BANF2: variants seen among roughly 807,000 people sequenced by gnomAD.
BANF2 encodes barrier-to-autointegration factor-like protein.
Under a neutral mutation model 8.0 loss-of-function variants are expected in BANF2, and 4 were observed. That is an observed-to-expected ratio of 0.50 (90% CI 0.25 to 1.14). The LOEUF (loss-of-function observed/expected upper bound fraction) is 1.14. Ranked by LOEUF, BANF2 falls within the 50% of genes most tolerant of loss-of-function variation. The pLI is 0.16. For missense variants in BANF2, 96 were observed against 107.5 expected (o/e 0.89, Z 0.47); for synonymous variants, 50 against 40.6 (o/e 1.23, Z -0.88).
chr20:17,714,931 A>G (rs1306867724), intron 1 of BANF2, among the ~76,000 whole-genome samples: 2 of 152,184 alleles, frequency 1.3e-5, no homozygotes, highest in African/African-American at 4.8e-5. Context: ...TGGATATGAA[A>G]ATGGTAGCTT....
intron 3 of BANF2, among the ~76,000 whole-genome samples, 155 bp from the exon 4 acceptor site, chr20:17,735,510 G>A (rs2037964229): frequency 6.6e-6 from 1 of 152,218 alleles, no homozygotes; most frequent in South Asian, 2.1e-4. Flanking sequence ...TAAGACCCAT[G>A]TCAGGGCTTC....
In BANF2 at chr20:17,703,740, CT is replaced by C. The variant is rs373982840; in HGVS notation, c.-167+3706del. Among the ~76,000 whole-genome samples, 1,139 of 122,568 alleles carry C rather than the reference CT, an allele frequency of 9.3e-3. 12 individuals are homozygous for C. Among genetic ancestry groups the C allele is most frequent in the East Asian group, 0.045 (201 of 4,478 alleles). 80.4% of individuals were successfully genotyped at this position (122,568 alleles called of 152,430 possible). ...GGAGGTCTCAGGGCAAGTAGGCTGACTTTTTTTTTTTTTTTTTTTTTGACAG... is the reference window on the plus strand; with the variant it reads ...GGAGGTCTCAGGGCAAGTAGGCTGACTTTTTTTTTTTTTTTTTTTTGACAG... On this transcript the variant is annotated intron_variant, in intron 1 of 3. Coordinates refer to ENST00000246090, the MANE Select transcript of BANF2 (RefSeq NM_178477.5).
upstream of BANF2, among the ~76,000 whole-genome samples, chr20:17,699,590 G>A (rs1264629313): frequency 6.6e-6 from 1 of 152,198 alleles, no homozygotes. Context: ...TGTGCAAGGA[G>A]CTGGGGGTAC....
chr20:17,721,578 G>A (rs1266198604), intron 1 of BANF2, among the ~76,000 whole-genome samples: 5 of 152,024 alleles, frequency 3.3e-5, no homozygotes, highest in Admixed American at 6.5e-5. Context: ...TTTTAGTAGA[G>A]ACGGGGTTTC....
Position 17,735,839 on chromosome 20 carries a change from A to G in BANF2, c.*28A>G. ...ACAAACCTCATTGCTGCCCCCCACC[A>G]CCCTCTGGGGAAAATGACGCCTTCT... On this transcript the variant is annotated 3_prime_UTR_variant, in exon 4 of 4. Coordinates refer to ENST00000246090, the MANE Select transcript of BANF2 (RefSeq NM_178477.5). The G allele has an allele frequency of 6.3e-7, 1 of 1,593,858 alleles. No homozygotes were observed. Among genetic ancestry groups the G allele is most frequent in the Non-Finnish European group, 8.6e-7 (1 of 1,166,602 alleles).
intron 3 of BANF2, among the ~76,000 whole-genome samples, chr20:17,727,407 C>T (rs997545510): frequency 1.3e-5 from 2 of 152,204 alleles, no homozygotes; most frequent in African/African-American, 2.4e-5. Context: ...GTGCCTTGTC[C>T]GCTCCCAGGT....
chr20:17,699,888 G>A (rs2037383213), upstream of BANF2: 2 of 739,366 alleles, frequency 2.7e-6, no homozygotes, highest in South Asian at 6.1e-5. Context: ...AGCCCTTTTT[G>A]TGCTCACCCC....
intron 1 of BANF2, among the ~76,000 whole-genome samples, chr20:17,707,301 T>C (rs920669047): frequency 6.7e-6 from 1 of 149,194 alleles, no homozygotes; most frequent in African/African-American, 2.5e-5. Context: ...GAGAATGGCG[T>C]GAACCCAGGA....
intron 3 of BANF2, among the ~76,000 whole-genome samples, chr20:17,732,026 A>G (rs1253568500): frequency 2.6e-5 from 4 of 151,880 alleles, no homozygotes; most frequent in Admixed American, 2.0e-4. Context: ...AGACCGTGCC[A>G]CTGCACTCCA....
At chr20:17,721,781 A>G (rs1262682158) in intron 1 of BANF2, among the ~76,000 whole-genome samples, 1 of 152,230 alleles carries the variant, frequency 6.6e-6, no homozygotes, top group East Asian at 1.9e-4. Context: ...TCCTGGGTCC[A>G]CCTCATCAAA....
At chr20:17,718,706 C>A (rs141642803) in intron 1 of BANF2, among the ~76,000 whole-genome samples, 47 of 152,260 alleles carry the variant, frequency 3.1e-4, no homozygotes, top group African/African-American at 9.6e-4. Flanking sequence ...TTAAAAATAA[C>A]CTTAAAGGAT....
At chr20:17,715,131 T>C (rs549987430) in intron 1 of BANF2, among the ~76,000 whole-genome samples, 2 of 152,286 alleles carry the variant, frequency 1.3e-5, no homozygotes, top group East Asian at 1.9e-4. Flanking sequence ...AAGGATCTCC[T>C]ACCCTCAGCC....
At chr20:17,717,476 C>T (rs988381085) in intron 1 of BANF2, among the ~76,000 whole-genome samples, 1 of 151,930 alleles carries the variant, frequency 6.6e-6, no homozygotes, top group Non-Finnish European at 1.5e-5. Context: ...AAAGTAGAAA[C>T]AGAAAATGAA....
At chr20:17,723,013 C>A in intron 2 of BANF2, 135 bp downstream of exon 2, 1 of 505,360 alleles carries the variant, frequency 2.0e-6, no homozygotes, top group South Asian at 8.5e-5. Flanking sequence ...GGAGCAAAGG[C>A]CATTAGGAGG....
intron 3 of BANF2, among the ~76,000 whole-genome samples, chr20:17,730,320 G>A (rs1356882218): frequency 6.6e-6 from 1 of 152,196 alleles, no homozygotes; most frequent in East Asian, 1.9e-4. Context: ...GAATCTGGGC[G>A]GATAGGCTGC....
At chr20:17,729,263 C>T (rs1452676177) in intron 3 of BANF2, among the ~76,000 whole-genome samples, 1 of 152,158 alleles carries the variant, frequency 6.6e-6, no homozygotes, top group Non-Finnish European at 1.5e-5. Context: ...GCCAGACTAT[C>T]CTCGAACCAC....
upstream of BANF2, among the ~76,000 whole-genome samples, chr20:17,698,171 G>A (rs746573893): frequency 3.5e-4 from 53 of 151,904 alleles, no homozygotes; most frequent in East Asian, 2.9e-3. Context: ...TCACGCCATC[G>A]CATTCCAACC....
At chr20:17,693,830 T>A in intron 1 of BANF2, 2 of 1,170,712 alleles carry the variant, frequency 1.7e-6, no homozygotes, top group East Asian at 2.6e-5. Flanking sequence ...TCCCGAATTC[T>A]GAATTCTTTT....
upstream of BANF2, among the ~76,000 whole-genome samples, chr20:17,696,955 A>T (rs934347083): frequency 4.6e-5 from 7 of 151,946 alleles, no homozygotes; most frequent in Admixed American, 2.6e-4. Context: ...TCTGATGGTG[A>T]TGATGATGAT....
Sources: allele counts gnomAD v4.1 joint callset (sites outside exome capture counted in the v4.1 genomes callset), GRCh38; gene constraint gnomAD v4.1.1; transcripts MANE v1.5; gene names NCBI Gene and HGNC (gene_info 2026-07-23, HGNC 2026-07-21).